EFR3A: variants seen among roughly 807,000 people sequenced by gnomAD.
EFR3A encodes the protein EFR3 homolog A, also known as protein EFR3 homolog A.
Under a neutral mutation model 104.4 loss-of-function variants are expected in EFR3A, and 76 were observed. That is an observed-to-expected ratio of 0.73 (90% CI 0.60 to 0.88). EFR3A has a LOEUF of 0.88. Ranked by LOEUF, EFR3A falls within the 40% of genes least tolerant of loss-of-function variation. EFR3A has a pLI of 0.00. For synonymous variants in EFR3A, 330 were observed against 330.0 expected (o/e 1.00, Z 0.00); for missense variants, 985 against 1,012.5 (o/e 0.97, Z 0.37).
chr8:131,933,876 A>G (rs962078235), intron 1 of EFR3A, among the ~76,000 whole-genome samples: 3 of 151,718 alleles, frequency 2.0e-5, no homozygotes, highest in African/African-American at 7.3e-5. Flanking sequence ...TGTTATGCCT[A>G]TTATAGAGCA....
chr8:131,968,901 T>C (rs1262452350), intron 9 of EFR3A, among the ~76,000 whole-genome samples: 1 of 152,206 alleles, frequency 6.6e-6, no homozygotes, highest in Non-Finnish European at 1.5e-5. Flanking sequence ...GTCAGAGAAG[T>C]GGCTTTAAAA....
intron 1 of EFR3A, chr8:131,924,134 G>A (rs1372765747): frequency 2.3e-6 from 1 of 440,824 alleles, no homozygotes; most frequent in East Asian, 7.3e-5. Context: ...GAGAACTAAG[G>A]ACCAATGTAG....
At chr8:131,937,569 G>A (rs1817961271) in intron 1 of EFR3A, among the ~76,000 whole-genome samples, 1 of 152,084 alleles carries the variant, frequency 6.6e-6, no homozygotes, top group African/African-American at 2.4e-5. Context: ...GAGGAGAATA[G>A]TGGATAGTTT....
intron 1 of EFR3A, among the ~76,000 whole-genome samples, chr8:131,921,169 T>G (rs1345571547): frequency 6.6e-6 from 1 of 152,194 alleles, no homozygotes; most frequent in Non-Finnish European, 1.5e-5. Flanking sequence ...CAACAGATAT[T>G]TATTGTCTCA....
At position 131,955,777 on chromosome 8, in the gene EFR3A, C is replaced by T. The variant is rs773576058; in HGVS notation, c.648C>T (p.Gly216=). ...TCTCGTTCCTTTTTAGTCGCATAGG[C>T]CCTCCTTCTTCTCCTTCTGCAACTG... The part of the protein sequence containing the change: ...QKIEEVDSRI[G]PPSSPSATDK... Residue 216 remains glycine (G), a synonymous_variant, in exon 7 of 23, where the codon GGC becomes GGT. Coordinates refer to ENST00000254624, the MANE Select transcript of EFR3A (RefSeq NM_015137.6). 2 of 1,612,442 alleles carry T rather than the reference C, an allele frequency of 1.2e-6. No individual in the cohort carries two copies. The highest frequency in any genetic ancestry group is 2.2e-5 in the South Asian group (2 of 90,852).
At chr8:131,977,240 C>A (rs1033599503) in intron 12 of EFR3A, 148 bp downstream of exon 12, 3 of 536,628 alleles carry the variant, frequency 5.6e-6, no homozygotes, top group African/African-American at 3.9e-5. Context: ...TAAAGATTAT[C>A]CAATTTTTTT....
intron 1 of EFR3A, among the ~76,000 whole-genome samples, chr8:131,930,822 C>G (rs1817560765): frequency 6.6e-6 from 1 of 152,072 alleles, no homozygotes; most frequent in South Asian, 2.1e-4. Flanking sequence ...ATTTTTCTCA[C>G]TCATTTGGTC....
At chr8:131,914,410 C>G (rs1409480436) in intron 1 of EFR3A, among the ~76,000 whole-genome samples, 1 of 152,188 alleles carries the variant, frequency 6.6e-6, no homozygotes, top group Non-Finnish European at 1.5e-5. Context: ...AAGCTCCTTC[C>G]CCTGGCACAG....
chr8:131,920,210 T>C (rs749182942), intron 1 of EFR3A, among the ~76,000 whole-genome samples: 9 of 152,154 alleles, frequency 5.9e-5, no homozygotes, highest in African/African-American at 9.7e-5. Context: ...CAGTGCACTG[T>C]GGGTGGAAAA....
At chr8:131,907,646 A>G (rs963937339) in intron 1 of EFR3A, among the ~76,000 whole-genome samples, 4 of 152,228 alleles carry the variant, frequency 2.6e-5, no homozygotes, top group Non-Finnish European at 5.9e-5. Context: ...AGAATGAATT[A>G]TAAAAGAGGG....
At chr8:131,971,629 A>G (rs976902663) in intron 10 of EFR3A, among the ~76,000 whole-genome samples, 2 of 151,586 alleles carry the variant, frequency 1.3e-5, no homozygotes, top group Non-Finnish European at 2.9e-5. Flanking sequence ...CAGAGCTTGC[A>G]GTGAGCCGAG....
At position 131,997,510 on chromosome 8, in the gene EFR3A, G is replaced by A. The variant is rs552713023; in HGVS notation, c.2157+1013G>A. On this transcript the variant is annotated intron_variant, in intron 19 of 22. Transcript: ENST00000254624. ...TGTTTTATTAAGAACTTATCAGCAC[G>A]GCATCAAGAGTAGTTGAAGAAGCAC... Among the ~76,000 whole-genome samples the A allele has an allele frequency of 2.2e-4, 33 of 152,054 alleles. No individual in the cohort carries two copies. The South Asian group carries it at 6.4e-3, about 30-fold the overall frequency.
intron 18 of EFR3A, among the ~76,000 whole-genome samples, chr8:131,993,473 G>A (rs1175436386): frequency 1.3e-5 from 2 of 152,254 alleles, no homozygotes; most frequent in East Asian, 3.9e-4. Context: ...TTACAACCAT[G>A]GAAGGCTGTC....
At chr8:131,904,385 C>G in intron 1 of EFR3A, 63 bp downstream of exon 1, 2 of 1,232,820 alleles carry the variant, frequency 1.6e-6, no homozygotes, top group Non-Finnish European at 2.0e-6. Context: ...GCGCTTGGGC[C>G]GGGTACTCCT....
At chr8:131,964,527 A>AATCCAACT (rs1819584245) in intron 8 of EFR3A, among the ~76,000 whole-genome samples, 1 of 152,124 alleles carries the variant, frequency 6.6e-6, no homozygotes, top group Admixed American at 6.6e-5. Context: ...GATGTGAAGG[A>AATCCAACT]CCTCTTCAAG....
chr8:131,959,103 C>T (rs1275065365), intron 7 of EFR3A, among the ~76,000 whole-genome samples: 1 of 152,098 alleles, frequency 6.6e-6, no homozygotes, highest in Non-Finnish European at 1.5e-5. Context: ...AGTATATTTT[C>T]AACAAATGAT....
chr8:131,979,680 C>A (rs1395397960), intron 14 of EFR3A, among the ~76,000 whole-genome samples: 2 of 152,050 alleles, frequency 1.3e-5, no homozygotes, highest in African/African-American at 4.8e-5. Flanking sequence ...TCCTATAATT[C>A]TTGCCCTGGC....
chr8:131,946,697 T>A, intron 4 of EFR3A, 64 bp downstream of exon 4: 1 of 1,393,138 alleles, frequency 7.2e-7, no homozygotes, highest in Non-Finnish European at 9.4e-7. Context: ...TAATTACTTC[T>A]TAGAATGACT....
chr8:131,971,520 C>T (rs1820051084), intron 10 of EFR3A, among the ~76,000 whole-genome samples: 2 of 152,004 alleles, frequency 1.3e-5, no homozygotes, highest in African/African-American at 4.8e-5. Flanking sequence ...AACCCCGTCT[C>T]TACTAAGAAT....
Sources: gnomAD v4.1 joint callset for allele counts (sites outside exome capture counted in the v4.1 genomes callset) on GRCh38, gnomAD v4.1.1 for gene constraint, MANE v1.5 for transcripts, NCBI Gene and HGNC (gene_info 2026-07-23, HGNC 2026-07-21) for gene names.